Variants in THG1L observed in about 807,000 individuals in gnomAD.
THG1L encodes the protein tRNA-histidine guanylyltransferase 1 like.
THG1L carries 27 observed loss-of-function variants against 35.2 expected under a neutral mutation model. The ratio of observed to expected loss-of-function variants is 0.77; its 90% CI spans 0.57 to 1.06. The LOEUF is 1.06. THG1L is among the 50% of genes least tolerant of loss of function. THG1L has a pLI of 0.00. For missense variants in THG1L, 377 were observed against 371.8 expected, an observed-to-expected ratio of 1.01 and a Z score of -0.12; for synonymous variants, 135 against 132.4, an observed-to-expected ratio of 1.02 and a Z score of -0.14.
Position 157,732,954 on chromosome 5 carries a change from A to G in THG1L, c.278A>G (p.Glu93Gly). ...AAATGTGCGCAGACTGTGATGGAAG[A>G]ACTAGAGGATATTGTGATCGCGTAT... ...MTKCAQTVME[E>G]LEDIVIAYGQ... The change falls in exon 2 of 6, where the codon GAA (glutamate) becomes GGA (glycine). Residue 93 changes from glutamate (E) to glycine (G), a missense_variant. By Grantham distance (98) the Glu-to-Gly change is moderately conservative (BLOSUM62 -2). Coordinates refer to ENST00000231198, the MANE Select transcript of THG1L (RefSeq NM_017872.5). 6.2e-7 allele frequency: 1 copy of G among 1,614,242 alleles called. No individual in the cohort carries two copies. Among genetic ancestry groups the G allele is most frequent in the Admixed American group, 1.7e-5 (1 of 60,030 alleles).
At chr5:157,734,434 C>G (rs1171075975) in intron 2 of THG1L, 142 bp from the exon 3 acceptor site, 1 of 961,842 alleles carries the variant, frequency 1.0e-6, no homozygotes, top group Non-Finnish European at 1.6e-6. Context: ...AATAGTGTTT[C>G]TTAGCCAAAT....
rs761606768 is a variant in THG1L, at chr5:157,731,523, C to T, written c.83C>T (p.Ala28Val). 6.2e-7 allele frequency: 1 copy of T among 1,612,652 alleles called. No individual in the cohort carries two copies. The highest frequency in any genetic ancestry group is 1.7e-4 in the Middle Eastern group (1 of 6,056). Residue 28 changes from alanine to valine, a missense_variant, in exon 1 of 6, where the codon GCG (alanine) becomes GTG (valine). By Grantham distance (64) the Ala-to-Val change is moderately conservative. Transcript: ENST00000231198. ...CTGAGACGGTACCTGAGATTGGGGG[C>T]GACCATGGCAAAAAGCAAGTTCGAG... is the stretch of plus-strand genomic sequence containing the variant. ...ITLRRYLRLG[A>V]TMAKSKFEYV...
Position 157,741,319 on chromosome 5 carries a change from A to G in THG1L, c.*1837A>G, listed in dbSNP as rs1761036864. ...GTGATGGCTGGCCTCATCCCTCACTAATTGACAACCCATCTGTCGATGCCA... is the reference window on the plus strand; with the variant it reads ...GTGATGGCTGGCCTCATCCCTCACTGATTGACAACCCATCTGTCGATGCCA... On this transcript the variant is annotated 3_prime_UTR_variant, in exon 6 of 6. Transcript: ENST00000231198. 6.6e-6 allele frequency: 1 copy of G among 152,116 alleles called. No homozygotes were observed. The highest frequency in any genetic ancestry group is 2.4e-5 in the African/African-American group (1 of 41,398). 9.4% of individuals were successfully genotyped at this position (152,116 alleles called of 1,614,324 possible). A position where few individuals can be genotyped will look rare whatever the true frequency, so the allele number is the denominator to read the frequency against.
At chr5:157,739,092 CTA>C (rs1760962255) in intron 5 of THG1L, among the ~76,000 whole-genome samples, 1 of 151,912 alleles carries the variant, frequency 6.6e-6, no homozygotes, top group Non-Finnish European at 1.5e-5. Context: ...CTTTTTAAAA[CTA>C]TTTTTAATTA....
intron 4 of THG1L, among the ~76,000 whole-genome samples, chr5:157,736,270 G>A (rs1416860768): frequency 7.0e-6 from 1 of 142,584 alleles, no homozygotes; most frequent in African/African-American, 2.6e-5. Context: ...TTTTTTTTGA[G>A]ACACAGTTTC....
intron 1 of THG1L, 93 bp from the exon 2 acceptor site, chr5:157,732,775 T>C (rs1032786611): frequency 7.5e-6 from 11 of 1,469,600 alleles, no homozygotes; most frequent in African/African-American, 2.8e-5. Context: ...TATTACATTA[T>C]CTTCCTCCAA....
At chr5:157,732,026 G>A (rs1244961159) in intron 1 of THG1L, among the ~76,000 whole-genome samples, 2 of 151,932 alleles carry the variant, frequency 1.3e-5, no homozygotes, top group Non-Finnish European at 2.9e-5. Flanking sequence ...CTTGCTTGTG[G>A]GCAATACTTA....
intron 3 of THG1L, 86 bp downstream of exon 3, chr5:157,734,831 A>G (rs1760829911): frequency 6.7e-7 from 1 of 1,494,218 alleles, no homozygotes. Flanking sequence ...TGGCTCACAT[A>G]TACTTTGTTT....
intron 3 of THG1L, 139 bp downstream of exon 3, chr5:157,734,884 C>A: frequency 2.2e-6 from 2 of 907,802 alleles, no homozygotes; most frequent in South Asian, 2.9e-5. Flanking sequence ...AATATTTTTT[C>A]AATTAGTTAA....
intron 4 of THG1L, 95 bp downstream of exon 4, chr5:157,736,029 T>C (rs1426319519): frequency 7.5e-6 from 6 of 799,510 alleles, no homozygotes; most frequent in Non-Finnish European, 4.1e-6. Flanking sequence ...TTTCTTTCTT[T>C]TAAGATCCCT....
At position 157,740,121 on chromosome 5, in the gene THG1L, GATC is replaced by G. The variant is rs1760995361; in HGVS notation, c.*646_*648del. 1 of 152,174 alleles carries G rather than the reference GATC, an allele frequency of 6.6e-6. No individual in the cohort carries two copies. The highest frequency in any genetic ancestry group is 2.4e-5 in the African/African-American group (1 of 41,442). The allele number at this position is 152,174 out of a possible 1,614,324, so 9.4% of individuals were successfully genotyped here. A position where few individuals can be genotyped will look rare whatever the true frequency, so the allele number is the denominator to read the frequency against. ...ATTGATTTAATGGAGTTGTCAGCAT[GATC>G]ATCATCTTCTAGCCAGGGGCATAGT... On this transcript the variant is annotated 3_prime_UTR_variant, in exon 6 of 6. Coordinates refer to ENST00000231198, the MANE Select transcript of THG1L (RefSeq NM_017872.5).
At chr5:157,732,705 A>T (rs1356856671) in intron 1 of THG1L, among the ~76,000 whole-genome samples, 163 bp from the exon 2 acceptor site, 1 of 152,208 alleles carries the variant, frequency 6.6e-6, no homozygotes, top group Non-Finnish European at 1.5e-5. Context: ...CAGGAAAAAA[A>T]CTAAGTTCTT....
Position 157,731,420 on chromosome 5 carries a change from C to T in THG1L, c.-21C>T. The T allele has an allele frequency of 8.3e-6, 13 of 1,570,796 alleles. No individual in the cohort carries two copies. The highest frequency in any genetic ancestry group is 1.1e-5 in the Non-Finnish European group (13 of 1,156,972). On this transcript the variant is annotated 5_prime_UTR_variant, in exon 1 of 6. Transcript: ENST00000231198. ...CACTTCCGGGGCGGGGCTATCTGGC[C>T]CTTTCCTTTCCGCGTGTAGAATGTG...
chr5:157,734,845 C>T lies in THG1L; in HGVS notation c.538+100C>T, dbSNP rs143282065. On this transcript the variant is annotated intron_variant, in intron 3 of 5. Transcript: ENST00000231198. Reference sequence around the variant, plus strand: ...TTGGCTCACATATACTTTGTTTCAACATATACGTTGTACAGAATGCAGTAT... The same window carrying T: ...TTGGCTCACATATACTTTGTTTCAATATATACGTTGTACAGAATGCAGTAT... The T allele has an allele frequency of 3.0e-6, 4 of 1,338,954 alleles. No homozygotes were observed. In the African/African-American group the frequency reaches 5.8e-5, roughly 20 times the overall value. 82.9% of individuals were successfully genotyped at this position (1,338,954 alleles called of 1,614,324 possible). A position where few individuals can be genotyped will look rare whatever the true frequency, so the allele number is the denominator to read the frequency against.
chr5:157,737,033 A>C (rs1760907279), intron 4 of THG1L, among the ~76,000 whole-genome samples: 1 of 152,038 alleles, frequency 6.6e-6, no homozygotes, highest in Admixed American at 6.6e-5. Context: ...CCTGGGCTCC[A>C]GCAGTCCGCC....
At position 157,737,935 on chromosome 5, in the gene THG1L, A is replaced by T. The variant is rs746408702; in HGVS notation, c.676A>T (p.Ile226Phe). 6.2e-6 allele frequency: 10 copies of T among 1,613,394 alleles called. No homozygotes were observed. The highest frequency in any genetic ancestry group is 8.5e-6 in the Non-Finnish European group (10 of 1,179,760). ...KNEILFSEFN[I>F]NYNNELPMYR... ...TGAGATTTTGTTTTCTGAATTCAAC[A>T]TCAACTATAATAATGAGCTGCCGAT... The change falls in exon 5 of 6, where the codon ATC (isoleucine) becomes TTC (phenylalanine). Residue 226 changes from isoleucine (I) to phenylalanine (F), a missense_variant. Ile to Phe is a conservative substitution (Grantham distance 21). Coordinates refer to ENST00000231198, the MANE Select transcript of THG1L (RefSeq NM_017872.5).
Position 157,739,664 on chromosome 5 carries a change from T to A in THG1L, c.*182T>A. The A allele has an allele frequency of 1.9e-6, 1 of 538,592 alleles. No individual in the cohort carries two copies. Among genetic ancestry groups the A allele is most frequent in the Non-Finnish European group, 3.0e-6 (1 of 337,106 alleles). The allele number at this position is 538,592 out of a possible 1,614,324, so 33.4% of individuals were successfully genotyped here. On this transcript the variant is annotated 3_prime_UTR_variant, in exon 6 of 6. Coordinates refer to ENST00000231198, the MANE Select transcript of THG1L (RefSeq NM_017872.5). ...TGGGGGTGGTGTATCTTACTCTGTT[T>A]AAGCAGAACACCTTGTTTGCGGTGT...
chr5:157,736,562 C>T (rs1209654208), intron 4 of THG1L, among the ~76,000 whole-genome samples: 1 of 152,142 alleles, frequency 6.6e-6, no homozygotes, highest in African/African-American at 2.4e-5. Flanking sequence ...CTGGCCAGCA[C>T]TGAATTTTTG....
At chr5:157,738,040 T>G (rs1208567753) in intron 5 of THG1L, 46 bp downstream of exon 5, 1 of 1,493,122 alleles carries the variant, frequency 6.7e-7, no homozygotes, top group African/African-American at 1.4e-5. Flanking sequence ...GGAAAAAAGA[T>G]AGCCTGTGCC....
Sources: allele counts gnomAD v4.1 joint callset (sites outside exome capture counted in the v4.1 genomes callset), GRCh38; gene constraint gnomAD v4.1.1; transcripts MANE v1.5; gene names NCBI Gene and HGNC (gene_info 2026-07-23, HGNC 2026-07-21).